The following SBF2 variants were observed in gnomAD, a reference collection of about 807,000 sequenced individuals.
The protein encoded by SBF2 is myotubularin-related protein 13.
Under a neutral mutation model 225.2 loss-of-function variants are expected in SBF2, and 112 were observed. That is an observed-to-expected ratio of 0.50 (90% CI 0.43 to 0.58). The LOEUF is 0.58. Among genes scored for constraint, SBF2 ranks in the 20% least tolerant of loss-of-function variants. The pLI is 0.00. For synonymous variants in SBF2, 763 were observed against 773.3 expected (o/e 0.99, Z 0.22); for missense variants, 1,996 against 2,206.2 (o/e 0.90, Z 1.91).
At chr11:10,290,194 C>T (rs963596125) in intron 1 of SBF2, among the ~76,000 whole-genome samples, 6 of 152,022 alleles carry the variant, frequency 3.9e-5, no homozygotes, top group African/African-American at 1.5e-4. Flanking sequence ...TGTCATGGTA[C>T]CCCTGGGGTG....
At chr11:10,224,617 GT>G (rs1053751464) in intron 1 of SBF2, among the ~76,000 whole-genome samples, 1 of 151,966 alleles carries the variant, frequency 6.6e-6, no homozygotes, top group African/African-American at 2.4e-5. Context: ...CATACCTAAA[GT>G]TTTTTTAATA....
intron 32 of SBF2, among the ~76,000 whole-genome samples, chr11:9,798,680 C>T (rs1853285388): frequency 6.6e-6 from 1 of 152,250 alleles, no homozygotes. Flanking sequence ...GGCGTGGTGG[C>T]TCACGCCTGT....
At chr11:9,953,392 G>A (rs545765702) in intron 16 of SBF2, among the ~76,000 whole-genome samples, 4 of 151,876 alleles carry the variant, frequency 2.6e-5, no homozygotes, top group Non-Finnish European at 5.9e-5. Flanking sequence ...GCAGTGAGCC[G>A]AGATCACGCC....
chr11:10,192,133 G>A lies in SBF2; in HGVS notation c.141+1769C>T, dbSNP rs531996540. On this transcript the variant is annotated intron_variant, in intron 2 of 39. Coordinates refer to ENST00000256190, the MANE Select transcript of SBF2 (RefSeq NM_030962.4). ...GAAACAGGGTTTAAAAGCTTTTATA[G>A]AACAAATGCCTGCTTATTCACACTG... 3.3e-5 allele frequency among the ~76,000 whole-genome samples: 5 copies of A among 152,206 alleles called. No homozygotes were observed. In the South Asian group the frequency reaches 1.0e-3, roughly 32 times the overall value.
At chr11:10,047,073 G>A (rs887710893) in intron 2 of SBF2, among the ~76,000 whole-genome samples, 6 of 151,968 alleles carry the variant, frequency 3.9e-5, no homozygotes, top group Admixed American at 6.6e-5. Flanking sequence ...AACAAGATAC[G>A]CAAAAGATCT....
At chr11:9,974,003 T>C (rs1162014731) in intron 13 of SBF2, among the ~76,000 whole-genome samples, 1 of 152,206 alleles carries the variant, frequency 6.6e-6, no homozygotes, top group Non-Finnish European at 1.5e-5. Flanking sequence ...TTTTTTCTAA[T>C]ACAGTTGATG....
intron 1 of SBF2, among the ~76,000 whole-genome samples, chr11:10,225,235 A>C (rs557634422): frequency 6.6e-6 from 1 of 152,256 alleles, no homozygotes; most frequent in South Asian, 2.1e-4. Context: ...AAATGAACTC[A>C]TATCTTAAAA....
chr11:10,168,664 TA>T (rs1210799212), intron 2 of SBF2, among the ~76,000 whole-genome samples: 3 of 152,212 alleles, frequency 2.0e-5, no homozygotes, highest in Non-Finnish European at 2.9e-5. Context: ...CTGTAGTTAA[TA>T]GAATGAGTGG....
intron 17 of SBF2, among the ~76,000 whole-genome samples, chr11:9,884,406 T>G (rs1224298228): frequency 2.0e-5 from 3 of 152,212 alleles, no homozygotes; most frequent in African/African-American, 7.2e-5. Context: ...TGGTTTTAGC[T>G]TTTAAAAATG....
intron 1 of SBF2, among the ~76,000 whole-genome samples, chr11:10,272,706 A>G (rs978688762): frequency 1.3e-5 from 2 of 151,962 alleles, no homozygotes; most frequent in Non-Finnish European, 2.9e-5. Context: ...CAGAGGCTGC[A>G]GTGGGCTGTG....
At chr11:10,157,258 A>G (rs566368228) in intron 2 of SBF2, among the ~76,000 whole-genome samples, 1 of 152,318 alleles carries the variant, frequency 6.6e-6, no homozygotes, top group East Asian at 1.9e-4. Context: ...ACCATATACA[A>G]AAATTAACTC....
rs543102288 is a variant in SBF2 at position 10,292,800 on chromosome 11, A to G, written c.55+1215T>C. The stretch of plus-strand genomic sequence containing the variant: ...TTAATCTTGATAGAAAAGAAACATC[A>G]GACTATGCCAAATTACTAGGAAATA... On this transcript the variant is annotated intron_variant, in intron 1 of 39. Transcript: ENST00000256190. Among the ~76,000 whole-genome samples the G allele has an allele frequency of 3.9e-5, 6 of 152,322 alleles. No homozygotes were observed. In the East Asian group the frequency reaches 9.6e-4, roughly 24 times the overall value.
chr11:10,214,304 T>C (rs1565361866), intron 1 of SBF2, among the ~76,000 whole-genome samples: 1 of 152,162 alleles, frequency 6.6e-6, no homozygotes, highest in Non-Finnish European at 1.5e-5. Context: ...TGAGAACCAC[T>C]GCTTTAAACT....
rs186448796 is a variant in SBF2 at position 10,110,639 on chromosome 11, T to A, written c.142-67658A>T. 4.4e-3 allele frequency among the ~76,000 whole-genome samples: 676 copies of A among 152,218 alleles called. 6 individuals carry two copies. The highest frequency in any genetic ancestry group is 6.5e-3 in the Non-Finnish European group (441 of 67,966). On this transcript the variant is annotated intron_variant, in intron 2 of 39. Coordinates refer to ENST00000256190, the MANE Select transcript of SBF2 (RefSeq NM_030962.4). ...TTTAAAATACCAATGACACGAGTTT[T>A]AAAAGCTATAAATTTAATATCACAA...
At chr11:9,816,738 A>G in intron 29 of SBF2, 102 bp downstream of exon 29, 4 of 1,115,084 alleles carry the variant, frequency 3.6e-6, no homozygotes, top group Non-Finnish European at 5.3e-6. Flanking sequence ...GTTAAGAATC[A>G]TGCTGTAAAA....
chr11:9,796,156 G>GT (rs1853109256), intron 32 of SBF2, among the ~76,000 whole-genome samples, 199 bp from the exon 33 acceptor site: 1 of 149,462 alleles, frequency 6.7e-6, no homozygotes, highest in African/African-American at 2.6e-5. Context: ...ACCAGACGAG[G>GT]GTTTTTTTTT....
At chr11:9,835,623 C>A (rs543734021) in intron 26 of SBF2, among the ~76,000 whole-genome samples, 2 of 10,216 alleles carry the variant, frequency 2.0e-4, no homozygotes, top group African/African-American at 6.4e-4. Context: ...CAGAGCAAGA[C>A]CTTGTCTCAA....
intron 1 of SBF2, among the ~76,000 whole-genome samples, chr11:10,284,505 C>T (rs927685536): frequency 6.6e-6 from 1 of 152,036 alleles, no homozygotes; most frequent in Non-Finnish European, 1.5e-5. Flanking sequence ...ATGTACCAGG[C>T]ACCCTTCTTT....
Position 10,282,834 on chromosome 11 carries a change from T to G in SBF2, c.55+11181A>C, listed in dbSNP as rs1230017351. 1.2e-4 allele frequency among the ~76,000 whole-genome samples: 5 copies of G among 40,946 alleles called. No individual in the cohort carries two copies. The East Asian group carries it at 2.2e-3, about 18-fold the overall frequency. The allele number at this position is 40,946 out of a possible 152,430, so 26.9% of individuals were successfully genotyped here. ...ACCCCACCATCTATAGAGTCAAGGC[T>G]CACCATCTATAGAGTCAAGGCTAAA... On this transcript the variant is annotated intron_variant, in intron 1 of 39. Transcript: ENST00000256190.
Sources: gnomAD v4.1 joint callset for allele counts (sites outside exome capture counted in the v4.1 genomes callset) on GRCh38, gnomAD v4.1.1 for gene constraint, MANE v1.5 for transcripts, NCBI Gene and HGNC (gene_info 2026-07-23, HGNC 2026-07-21) for gene names.